TJP2: variants seen among roughly 807,000 people sequenced by gnomAD.
TJP2 encodes Friedreich ataxia region gene X104 (tight junction protein ZO-2).
TJP2 carries 91 observed loss-of-function variants against 133.1 expected under a neutral mutation model. The ratio of observed to expected loss-of-function variants is 0.68; its 90% CI spans 0.58 to 0.81. TJP2 has a LOEUF of 0.81. Among genes scored for constraint, TJP2 ranks in the 40% least tolerant of loss-of-function variants. TJP2 has a pLI of 0.00. For synonymous variants in TJP2, 592 were observed against 583.4 expected, an observed-to-expected ratio of 1.01 and a Z score of -0.21; for missense variants, 1,541 against 1,565.6, an observed-to-expected ratio of 0.98 and a Z score of 0.26.
intron 1 of TJP2, among the ~76,000 whole-genome samples, chr9:69,198,422 G>A (rs565913693): frequency 2.6e-5 from 4 of 152,286 alleles, no homozygotes; most frequent in South Asian, 2.1e-4. Flanking sequence ...GATTACAGGC[G>A]TGAGCCACCA....
chr9:69,125,168 G>C lies in TJP2; in HGVS notation c.-131+3443G>C, dbSNP rs529042058. On this transcript the variant is annotated intron_variant, in intron 1 of 5. Transcript: ENST00000423935. ...GGGTTTCTCCATGTTGGTCAGGCTGGTCTCAAACTCCTGACCTCAGGTGAT... is the reference window on the plus strand; with the variant it reads ...GGGTTTCTCCATGTTGGTCAGGCTGCTCTCAAACTCCTGACCTCAGGTGAT... Among the ~76,000 whole-genome samples, 5 of 73,940 alleles carry C rather than the reference G, an allele frequency of 6.8e-5. 1 individual carries two copies. In the South Asian group the frequency reaches 1.5e-3, roughly 23 times the overall value. The allele number at this position is 73,940 out of a possible 152,430, so 48.5% of individuals were successfully genotyped here.
chr9:69,145,803 C>T (rs932129987), intron 1 of TJP2: 2 of 1,232,084 alleles, frequency 1.6e-6, no homozygotes, highest in Admixed American at 8.4e-5. Flanking sequence ...ACACGTGAAC[C>T]TTTGGCAACA....
chr9:69,185,644 A>T (rs1392120172), intron 1 of TJP2, among the ~76,000 whole-genome samples: 1 of 152,192 alleles, frequency 6.6e-6, no homozygotes, highest in East Asian at 1.9e-4. Context: ...TTTTAAAGTC[A>T]TTCCACTTTA....
At position 69,250,909 on chromosome 9, in the gene TJP2, T is replaced by C. The variant is rs1831283163; in HGVS notation, c.2992-126T>C. The C allele has an allele frequency of 2.9e-6, 3 of 1,028,820 alleles. No individual in the cohort carries two copies. The African/African-American group carries it at 4.7e-5, about 16-fold the overall frequency. The allele number at this position is 1,028,820 out of a possible 1,614,324, so 63.7% of individuals were successfully genotyped here. Reference sequence around the variant, plus strand: ...GTTTGCCCTGCTGTATTACATTCCTTGTCAGAATGGTATTTGTGGACCACC... The same window carrying C: ...GTTTGCCCTGCTGTATTACATTCCTCGTCAGAATGGTATTTGTGGACCACC... On this transcript the variant is annotated intron_variant, in intron 20 of 22. Coordinates refer to ENST00000377245, the MANE Select transcript of TJP2 (RefSeq NM_004817.4).
chr9:69,147,981 A>G (rs543370270), intron 1 of TJP2, among the ~76,000 whole-genome samples: 64 of 151,152 alleles, frequency 4.2e-4, no homozygotes, highest in Non-Finnish European at 8.1e-4. Context: ...CTGGAGTGCA[A>G]TGGCACAATC....
rs1299264583 is a variant in TJP2 at position 69,227,747 on chromosome 9, TC to T, written c.1211-17del. The T allele has an allele frequency of 6.6e-7, 1 of 1,511,042 alleles. No homozygotes were observed. The highest frequency in any genetic ancestry group is 2.3e-5 in the East Asian group (1 of 44,008). The allele number at this position is 1,511,042 out of a possible 1,614,324, so 93.6% of individuals were successfully genotyped here. ...TTAAATATTTTATTTAAAAGTCTTT[TC>T]TTATTTTTGAAACTAGATATTTCAG... is the stretch of plus-strand genomic sequence containing the variant. On this transcript the variant is annotated splice_polypyrimidine_tract_variant and intron_variant, in intron 7 of 22. Coordinates refer to ENST00000377245, the MANE Select transcript of TJP2 (RefSeq NM_004817.4).
intron 1 of TJP2, among the ~76,000 whole-genome samples, chr9:69,200,135 T>G (rs952795026): frequency 1.3e-5 from 2 of 152,116 alleles, no homozygotes; most frequent in African/African-American, 4.8e-5. Flanking sequence ...TGTGTGTTAT[T>G]AAACAGTTTA....
At chr9:69,212,661 T>A (rs528308754) in intron 2 of TJP2, 60 bp downstream of exon 2, 20 of 1,431,968 alleles carry the variant, frequency 1.4e-5, no homozygotes, top group Middle Eastern at 1.8e-4. Flanking sequence ...GGATCATGGA[T>A]CTTATTTATT....
intron 2 of TJP2, chr9:69,151,791 C>T: frequency 8.1e-6 from 10 of 1,232,082 alleles, no homozygotes; most frequent in East Asian, 3.2e-5. Context: ...TATTTAATCT[C>T]TCATCAACCT....
chr9:69,190,259 A>G lies in TJP2; in HGVS notation c.60+15827A>G, dbSNP rs578158415. Among the ~76,000 whole-genome samples the G allele has an allele frequency of 7.2e-5, 11 of 152,334 alleles. No homozygotes were observed. In the East Asian group the frequency reaches 2.1e-3, roughly 29 times the overall value. ...AATGGTTTTTAGTTCTCTGTGTCCA[A>G]CACAATTCTTCTACACAGTGTCTTG... On this transcript the variant is annotated intron_variant, in intron 1 of 22. Transcript: ENST00000377245.
chr9:69,236,852 T>G, intron 13 of TJP2, 97 bp from the exon 14 acceptor site: 2 of 1,403,070 alleles, frequency 1.4e-6, no homozygotes, highest in Non-Finnish European at 2.0e-6. Flanking sequence ...GAATCTTCTC[T>G]GAGCTCAGAA....
intron 1 of TJP2, among the ~76,000 whole-genome samples, chr9:69,200,405 A>C (rs1228045302): frequency 1.3e-5 from 2 of 151,746 alleles, no homozygotes. Flanking sequence ...CTTTTTTTCT[A>C]GACACAGGAT....
chr9:69,141,817 G>T (rs2133294641), intron 1 of TJP2, among the ~76,000 whole-genome samples: 2 of 152,264 alleles, frequency 1.3e-5, no homozygotes, highest in South Asian at 4.1e-4. Flanking sequence ...TTGAACTCCT[G>T]GCCTCATGTG....
chr9:69,191,688 T>G (rs1437022978), intron 1 of TJP2, among the ~76,000 whole-genome samples: 1 of 152,214 alleles, frequency 6.6e-6, no homozygotes, highest in East Asian at 1.9e-4. Flanking sequence ...TTTCAAAGTC[T>G]GATGTACAAT....
intron 1 of TJP2, among the ~76,000 whole-genome samples, chr9:69,122,487 T>A (rs896558089): frequency 1.3e-5 from 2 of 152,132 alleles, no homozygotes; most frequent in South Asian, 2.1e-4. Context: ...AACAAAAAAA[T>A]TTTCACTTTC....
intron 5 of TJP2, among the ~76,000 whole-genome samples, chr9:69,223,576 G>A (rs1829087000): frequency 6.6e-6 from 1 of 152,190 alleles, no homozygotes; most frequent in African/African-American, 2.4e-5. Context: ...CGAAGTGCTG[G>A]GATTACAGGC....
intron 1 of TJP2, chr9:69,122,371 A>C (rs542987864): frequency 6.6e-6 from 1 of 152,244 alleles, no homozygotes; most frequent in Admixed American, 6.5e-5. Context: ...TCCGCACTCC[A>C]GAAAGCTTGA....
At chr9:69,239,135 G>A (rs1464359052) in intron 16 of TJP2, among the ~76,000 whole-genome samples, 1 of 152,182 alleles carries the variant, frequency 6.6e-6, no homozygotes, top group Non-Finnish European at 1.5e-5. Flanking sequence ...TTTGCAGTGA[G>A]CGGAGATTGC....
At chr9:69,203,376 G>A (rs1827142313) in intron 1 of TJP2, among the ~76,000 whole-genome samples, 1 of 151,844 alleles carries the variant, frequency 6.6e-6, no homozygotes, top group Admixed American at 6.6e-5. Flanking sequence ...GAGTGCAATG[G>A]TGGGATCTTG....
Sources: allele counts gnomAD v4.1 joint callset (sites outside exome capture counted in the v4.1 genomes callset), GRCh38; gene constraint gnomAD v4.1.1; transcripts MANE v1.5; gene names NCBI Gene and HGNC (gene_info 2026-07-23, HGNC 2026-07-21).